SCRG1: variants seen among roughly 807,000 people sequenced by gnomAD.
SCRG1 encodes stimulator of chondrogenesis 1, also known as scrapie-responsive protein 1.
In SCRG1, 3 loss-of-function variants were observed where a neutral mutation model predicts 7.7. That is an observed-to-expected ratio of 0.39 (90% CI 0.18 to 1.01). The LOEUF (loss-of-function observed/expected upper bound fraction) is 1.01, where lower values mean the gene tolerates loss of function less well. Among genes scored for constraint, SCRG1 ranks in the 50% least tolerant of loss-of-function variants. SCRG1 has a pLI of 0.36. For missense variants in SCRG1, 110 were observed against 117.2 expected, an observed-to-expected ratio of 0.94 and a Z score of 0.28; for synonymous variants, 46 against 41.2, an observed-to-expected ratio of 1.12 and a Z score of -0.44.
the SCRG1 span, among the ~76,000 whole-genome samples, chr4:173,484,941 T>TTATAA: frequency 3.1e-5 from 2 of 64,012 alleles, no homozygotes; most frequent in South Asian, 1.0e-3. Context: ...TTATATTATA[T>TTATAA]ATTATATATA....
chr4:173,439,277 A>G, the SCRG1 span, among the ~76,000 whole-genome samples: 1 of 152,182 alleles, frequency 6.6e-6, no homozygotes, highest in Admixed American at 6.5e-5. Context: ...CTATAATCCC[A>G]GCACTTTGGG....
At chr4:173,451,685 T>G in the SCRG1 span, among the ~76,000 whole-genome samples, 43 of 130,450 alleles carry the variant, frequency 3.3e-4, no homozygotes, top group Non-Finnish European at 5.8e-4. Context: ...TTTATTTATT[T>G]TGAGACAGAG....
At chr4:173,490,080 G>C in the SCRG1 span, among the ~76,000 whole-genome samples, 1 of 152,100 alleles carries the variant, frequency 6.6e-6, no homozygotes, top group East Asian at 1.9e-4. Context: ...CTTGAATCTT[G>C]CCAATTCCAT....
chr4:173,411,133 G>GA (rs1175055293), upstream of SCRG1, among the ~76,000 whole-genome samples: 1 of 152,214 alleles, frequency 6.6e-6, no homozygotes, highest in Non-Finnish European at 1.5e-5. Context: ...CATGAGAGTA[G>GA]AGATTTCCCG....
chr4:173,397,208 T>A (rs921606936), intron 1 of SCRG1, among the ~76,000 whole-genome samples: 3 of 152,240 alleles, frequency 2.0e-5, no homozygotes, highest in Admixed American at 6.5e-5. Context: ...CTGGGATACA[T>A]TGGTTGTTGT....
the SCRG1 span, among the ~76,000 whole-genome samples, chr4:173,483,217 AATAT>A: frequency 7.9e-5 from 6 of 75,954 alleles, no homozygotes; most frequent in South Asian, 4.5e-4. Flanking sequence ...TATATCATAT[AATAT>A]ATATATTATA....
At chr4:173,505,104 A>G in the SCRG1 span, among the ~76,000 whole-genome samples, 1 of 152,224 alleles carries the variant, frequency 6.6e-6, no homozygotes, top group Non-Finnish European at 1.5e-5. The surrounding 1 kb of genome is among the most constrained non-coding windows in gnomAD (Gnocchi z 4.4). Flanking sequence ...CGCCCATTAA[A>G]TGACCACTCA....
intron 1 of SCRG1, among the ~76,000 whole-genome samples, chr4:173,395,649 G>A (rs1272861248): frequency 6.6e-6 from 1 of 152,140 alleles, no homozygotes; most frequent in Non-Finnish European, 1.5e-5. Flanking sequence ...TACTCTCATA[G>A]CTCCCTTGCT....
chr4:173,395,055 GTTC>G (rs1412297990), intron 1 of SCRG1, among the ~76,000 whole-genome samples: 4 of 152,126 alleles, frequency 2.6e-5, no homozygotes, highest in African/African-American at 9.7e-5. Flanking sequence ...TACCAGGAAT[GTTC>G]TTTTTTGGGC....
the SCRG1 span, among the ~76,000 whole-genome samples, chr4:173,438,225 C>T: frequency 6.6e-6 from 1 of 152,100 alleles, no homozygotes; most frequent in African/African-American, 2.4e-5. Flanking sequence ...AGGTGATTCT[C>T]CTACTTCAGC....
At chr4:173,455,116 C>T in the SCRG1 span, among the ~76,000 whole-genome samples, 1 of 152,072 alleles carries the variant, frequency 6.6e-6, no homozygotes, top group Non-Finnish European at 1.5e-5. Flanking sequence ...GGGGGCCTCC[C>T]ACAATCCTGG....
At chr4:173,517,375 G>C in the SCRG1 span, among the ~76,000 whole-genome samples, 1 of 152,244 alleles carries the variant, frequency 6.6e-6, no homozygotes, top group African/African-American at 2.4e-5. Context: ...CTTCCAGAGG[G>C]GGCGAGCGGG....
At chr4:173,409,773 G>C (rs1740001480), upstream of SCRG1, among the ~76,000 whole-genome samples, 1 of 151,934 alleles carries the variant, frequency 6.6e-6, no homozygotes, top group African/African-American at 2.4e-5. Context: ...ATTTTTAGTA[G>C]AGACAGGGTT....
At chr4:173,515,827 A>T in the SCRG1 span, among the ~76,000 whole-genome samples, 113 of 152,334 alleles carry the variant, frequency 7.4e-4, 1 homozygote, top group African/African-American at 2.6e-3. The surrounding 1 kb of genome is among the most constrained non-coding windows in gnomAD (Gnocchi z 4.6). Context: ...CCTAAAGGCC[A>T]CAAGAAGTGG....
upstream of SCRG1, among the ~76,000 whole-genome samples, chr4:173,407,621 AT>A (rs1313356228): frequency 6.6e-6 from 1 of 151,694 alleles, no homozygotes; most frequent in African/African-American, 2.4e-5. Flanking sequence ...TTTAACATTT[AT>A]TTTTCAGGTC....
chr4:173,485,090 A>ATATATTATATATTATATAT, the SCRG1 span, among the ~76,000 whole-genome samples: 1 of 38,538 alleles, frequency 2.6e-5, no homozygotes, highest in Non-Finnish European at 3.9e-5. Context: ...ATAATATATT[A>ATATATTATATATTATATAT]TATATTATAT....
the SCRG1 span, among the ~76,000 whole-genome samples, chr4:173,485,004 A>ATATATATTATATATT: frequency 1.1e-4 from 1 of 9,418 alleles, no homozygotes; most frequent in Non-Finnish European, 1.5e-4. Context: ...ATATATTATA[A>ATATATATTATATATT]ATATAATATA....
chr4:173,436,234 G>A, the SCRG1 span, among the ~76,000 whole-genome samples: 452 of 152,304 alleles, frequency 3.0e-3, no homozygotes, highest in African/African-American at 0.01. Flanking sequence ...TGGCTTTTCA[G>A]TAGTGGAATC....
At chr4:173,468,341 G>A in the SCRG1 span, 2 of 152,220 alleles carry the variant, frequency 1.3e-5, no homozygotes, top group African/African-American at 4.8e-5. Context: ...ACACTATATG[G>A]CCTTGGTGGT....
Sources: gnomAD v4.1 joint callset for allele counts (sites outside exome capture counted in the v4.1 genomes callset) on GRCh38, gnomAD v4.1.1 for gene constraint, Gnocchi (gnomAD v3.1) non-coding constraint, MANE v1.5 for transcripts, NCBI Gene and HGNC (gene_info 2026-07-23, HGNC 2026-07-21) for gene names.